The following CNTN5 variants were observed in gnomAD, a reference collection of about 807,000 sequenced individuals.
The protein encoded by CNTN5 is contactin-5.
In CNTN5, 77 loss-of-function variants were observed where a neutral mutation model predicts 129.1. That is an observed-to-expected ratio of 0.60 (90% CI 0.50 to 0.72). The LOEUF (loss-of-function observed/expected upper bound fraction) is 0.72. CNTN5 is among the 30% of genes least tolerant of loss of function. The probability of loss-of-function intolerance (pLI) is 0.00; values close to 1 mark genes in which losing one functional copy is unlikely to be tolerated. For missense variants in CNTN5, 1,478 were observed against 1,328.8 expected, an observed-to-expected ratio of 1.11 and a Z score of -1.75; for synonymous variants, 509 against 465.6, an observed-to-expected ratio of 1.09 and a Z score of -1.20.
At chr11:100,055,900 T>G (rs931223947) in intron 9 of CNTN5, among the ~76,000 whole-genome samples, 9 of 151,502 alleles carry the variant, frequency 5.9e-5, no homozygotes, top group African/African-American at 2.2e-4. Flanking sequence ...TCTATTATCT[T>G]AGATTGGACT....
intron 1 of CNTN5, among the ~76,000 whole-genome samples, chr11:99,289,022 G>A (rs1003892160): frequency 6.6e-6 from 1 of 151,676 alleles, no homozygotes; most frequent in Non-Finnish European, 1.5e-5. Context: ...TTCCTTCCCA[G>A]TTCCACTGTT....
chr11:99,482,003 C>A (rs1945619801), intron 2 of CNTN5, among the ~76,000 whole-genome samples: 1 of 152,068 alleles, frequency 6.6e-6, no homozygotes, highest in Non-Finnish European at 1.5e-5. Flanking sequence ...TAAATTGATA[C>A]CTTGCTAAGG....
intron 2 of CNTN5, among the ~76,000 whole-genome samples, chr11:99,505,561 C>A (rs543766705): frequency 6.6e-6 from 1 of 152,204 alleles, no homozygotes; most frequent in East Asian, 1.9e-4. Context: ...TAGAAAGCTG[C>A]CAGAGAATTT....
At chr11:99,923,169 T>C (rs1949978168) in intron 7 of CNTN5, among the ~76,000 whole-genome samples, 1 of 152,180 alleles carries the variant, frequency 6.6e-6, no homozygotes, top group Non-Finnish European at 1.5e-5. Context: ...ATAGCTAAAT[T>C]TCTCAGTTTT....
At chr11:99,221,993 A>C (rs916875662) in intron 1 of CNTN5, among the ~76,000 whole-genome samples, 7 of 152,074 alleles carry the variant, frequency 4.6e-5, no homozygotes, top group Non-Finnish European at 1.0e-4. Context: ...TAAGTGATAA[A>C]AAGATACACA....
intron 9 of CNTN5, among the ~76,000 whole-genome samples, chr11:100,037,326 T>A (rs1322656537): frequency 3.9e-5 from 6 of 152,022 alleles, no homozygotes; most frequent in African/African-American, 1.5e-4. Context: ...GCCCACTTGA[T>A]CTTGGTGGAT....
chr11:100,115,686 C>T (rs771862530), intron 13 of CNTN5, among the ~76,000 whole-genome samples: 1 of 151,866 alleles, frequency 6.6e-6, no homozygotes, highest in Non-Finnish European at 1.5e-5. Flanking sequence ...GGTAAAAGAC[C>T]TATTTTTTAA....
At chr11:99,597,721 C>T (rs1165778676) in intron 3 of CNTN5, among the ~76,000 whole-genome samples, 4 of 152,056 alleles carry the variant, frequency 2.6e-5, no homozygotes, top group Non-Finnish European at 5.9e-5. Context: ...CTCCAGTGCC[C>T]AGCTGGCCAC....
At chr11:99,645,637 T>C (rs868198792) in intron 3 of CNTN5, among the ~76,000 whole-genome samples, 5 of 152,168 alleles carry the variant, frequency 3.3e-5, no homozygotes, top group African/African-American at 9.7e-5. Context: ...GATGAGTTCA[T>C]GTCCTTTGCA....
chr11:99,517,265 C>T (rs1036304757), intron 2 of CNTN5, among the ~76,000 whole-genome samples: 1 of 152,064 alleles, frequency 6.6e-6, no homozygotes, highest in African/African-American at 2.4e-5. Context: ...ATATTAAACC[C>T]CTTTTTATAT....
At chr11:99,167,177 T>A (rs1321449947) in intron 1 of CNTN5, among the ~76,000 whole-genome samples, 1 of 152,168 alleles carries the variant, frequency 6.6e-6, no homozygotes, top group Non-Finnish European at 1.5e-5. Context: ...GTTATTTTTA[T>A]CTCAATCTTA....
At chr11:100,039,435 C>G (rs957981398) in intron 9 of CNTN5, among the ~76,000 whole-genome samples, 32 of 152,120 alleles carry the variant, frequency 2.1e-4, no homozygotes, top group Non-Finnish European at 4.3e-4. Context: ...GTGAATCTGA[C>G]AAATATGTGT....
intron 1 of CNTN5, among the ~76,000 whole-genome samples, chr11:99,025,629 T>G (rs2135065381): frequency 6.6e-6 from 1 of 151,816 alleles, no homozygotes; most frequent in African/African-American, 2.4e-5. Context: ...ATCATGAGGC[T>G]AAAAATACTG....
chr11:99,628,670 T>G (rs929526555), intron 3 of CNTN5, among the ~76,000 whole-genome samples: 1 of 146,748 alleles, frequency 6.8e-6, no homozygotes, highest in Non-Finnish European at 1.5e-5. Flanking sequence ...ATAAATAATA[T>G]TTATCAACAT....
chr11:99,776,807 A>G (rs1945140846), intron 3 of CNTN5, among the ~76,000 whole-genome samples: 1 of 151,830 alleles, frequency 6.6e-6, no homozygotes, highest in African/African-American at 2.4e-5. Flanking sequence ...AAAACTATTC[A>G]AAAGCGACTG....
chr11:99,050,716 A>T (rs1271677465), intron 1 of CNTN5, among the ~76,000 whole-genome samples: 1 of 151,184 alleles, frequency 6.6e-6, no homozygotes, highest in Non-Finnish European at 1.5e-5. Flanking sequence ...AGCAACTTAC[A>T]ATTTTTAGGG....
At chr11:99,501,923 T>C (rs1158176463) in intron 2 of CNTN5, among the ~76,000 whole-genome samples, 1 of 152,192 alleles carries the variant, frequency 6.6e-6, no homozygotes, top group Non-Finnish European at 1.5e-5. Flanking sequence ...TTTCCATCTT[T>C]TATTAGCGTA....
At chr11:99,681,375 C>G (rs1953543888) in intron 3 of CNTN5, among the ~76,000 whole-genome samples, 1 of 151,982 alleles carries the variant, frequency 6.6e-6, no homozygotes, top group African/African-American at 2.4e-5. Flanking sequence ...ATGTCGCAAA[C>G]TTCACTGTTG....
intron 8 of CNTN5, among the ~76,000 whole-genome samples, chr11:99,961,778 CTT>C (rs1950953026): frequency 6.6e-6 from 1 of 152,158 alleles, no homozygotes; most frequent in Admixed American, 6.5e-5. Flanking sequence ...GTGCAAAACT[CTT>C]ATTCTAGCAT....
Sources: allele counts gnomAD v4.1 joint callset (sites outside exome capture counted in the v4.1 genomes callset), GRCh38; gene constraint gnomAD v4.1.1; transcripts MANE v1.5; gene names NCBI Gene and HGNC (gene_info 2026-07-23, HGNC 2026-07-21).